Variants in WDR91 observed in about 807,000 individuals in gnomAD.
WDR91 encodes the protein WD repeat-containing protein 91.
A neutral mutation model predicts 88.4 loss-of-function variants in WDR91; 52 were observed. The observed-to-expected ratio is 0.59, with a 90% CI of 0.47 to 0.74. The LOEUF (loss-of-function observed/expected upper bound fraction) is 0.74, where lower values mean the gene tolerates loss of function less well. WDR91 is among the 30% of genes least tolerant of loss of function. The pLI is 0.00. For synonymous variants in WDR91, 362 were observed against 389.5 expected (o/e 0.93, Z 0.83); for missense variants, 824 against 954.5 (o/e 0.86, Z 1.80).
At position 135,204,169 on chromosome 7, in the gene WDR91, G is replaced by C. The variant is rs1831674516; in HGVS notation, c.891+99C>G. ...CATGCCCAAGAAATCAGTCCTAAAA[G>C]GAGGGCAAACAAGTCTACACTTGAC... On this transcript the variant is annotated intron_variant, in intron 6 of 14. Coordinates refer to ENST00000354475, the MANE Select transcript of WDR91 (RefSeq NM_014149.4). 2.8e-6 allele frequency: 4 copies of C among 1,404,454 alleles called. No homozygotes were observed. In the East Asian group the frequency reaches 9.4e-5, roughly 33 times the overall value. 87.0% of individuals were successfully genotyped at this position (1,404,454 alleles called of 1,614,324 possible).
chr7:135,198,084 G>A lies in WDR91; in HGVS notation c.959C>T (p.Thr320Ile). The A allele has an allele frequency of 6.2e-7, 1 of 1,614,146 alleles. No homozygotes were observed. Among genetic ancestry groups the A allele is most frequent in the East Asian group, 2.2e-5 (1 of 44,876 alleles). ...GTGCTGTGACCAACCGGACTCCCCA[G>A]TGGCCAGCCCGCTGAGGAGGCTCTT... ...DGKSLLSGLA[T>I]GESGWSQHRQ... The change falls in exon 7 of 15, where the codon ACT becomes ATT. Residue 320 changes from threonine to isoleucine, a missense_variant. Thr to Ile is a moderately conservative substitution (Grantham distance 89). Coordinates refer to ENST00000354475, the MANE Select transcript of WDR91 (RefSeq NM_014149.4).
Position 135,198,166 on chromosome 7 carries a change from G to A in WDR91, c.892-15C>T, listed in dbSNP as rs528520429. ...CCCTTGGTGCCCTAGAGGAAAAGAA[G>A]CTGGCTGTGAAGTCTCTTCCCATCT... On this transcript the variant is annotated splice_polypyrimidine_tract_variant and intron_variant, in intron 6 of 14. Coordinates refer to ENST00000354475, the MANE Select transcript of WDR91 (RefSeq NM_014149.4). The A allele has an allele frequency of 5.0e-6, 8 of 1,607,118 alleles. No homozygotes were observed. The South Asian group carries it at 8.8e-5, about 18-fold the overall frequency.
Position 135,209,034 on chromosome 7 carries a change from G to A in WDR91, c.304-36C>T, listed in dbSNP as rs1449085955. 4 of 1,590,796 alleles carry A rather than the reference G, an allele frequency of 2.5e-6. No individual in the cohort carries two copies. The African/African-American group carries it at 5.4e-5, about 21-fold the overall frequency. ...ACAAGGAGGTAGCAAGGAGGGAGGA[G>A]AGACAGAAATCCAGAGGTAAGACTC... On this transcript the variant is annotated intron_variant, in intron 2 of 14. Coordinates refer to ENST00000354475, the MANE Select transcript of WDR91 (RefSeq NM_014149.4).
intron 6 of WDR91, chr7:135,199,559 G>C (rs1335209792): frequency 5.3e-5 from 8 of 152,228 alleles, no homozygotes; most frequent in Non-Finnish European, 1.2e-4. Context: ...CCTGTTTCAA[G>C]ACAAGGCTCT....
Position 135,211,511 on chromosome 7 carries a change from T to C in WDR91, c.-9A>G, listed in dbSNP as rs1245183482. On this transcript the variant is annotated 5_prime_UTR_variant, in exon 1 of 15. Coordinates refer to ENST00000354475, the MANE Select transcript of WDR91 (RefSeq NM_014149.4). ...TCCACGGCCTCCGCCATCGCAGCGC[T>C]AGCGTCTTTAGGGGTGGTGCGGTGA... The C allele has an allele frequency of 3.7e-6, 6 of 1,610,706 alleles. No homozygotes were observed. The highest frequency in any genetic ancestry group is 3.3e-5 in the Admixed American group (2 of 59,912).
chr7:135,187,155 G>A lies in WDR91; in HGVS notation c.1896C>T (p.Asn632=). The change falls in exon 14 of 15, where the codon AAC becomes AAT. Residue 632 remains asparagine (N), a synonymous_variant. Coordinates refer to ENST00000354475, the MANE Select transcript of WDR91 (RefSeq NM_014149.4). Reference sequence around the variant, plus strand: ...ATACCTTGAGGCCACTCTTGTGGATGTTCCACTGGATGAACTGCAGTCACA... The same window carrying A: ...ATACCTTGAGGCCACTCTTGTGGATATTCCACTGGATGAACTGCAGTCACA... ...IGEDGKFIQW[N]IHKSGLKVSE... 6.2e-7 allele frequency: 1 copy of A among 1,614,204 alleles called. No individual in the cohort carries two copies. The highest frequency in any genetic ancestry group is 1.7e-5 in the Admixed American group (1 of 60,028).
intron 1 of WDR91, among the ~76,000 whole-genome samples, chr7:135,211,147 C>T (rs1054650426): frequency 1.9e-4 from 29 of 152,266 alleles, no homozygotes; most frequent in Middle Eastern, 6.8e-3. Context: ...GCCGGGGCAT[C>T]GGGGCTCCAG....
In WDR91 at chr7:135,184,022, C is replaced by A. The variant is rs956519380; in HGVS notation, c.*2129G>T. The A allele has an allele frequency of 6.6e-6, 1 of 152,100 alleles. No individual in the cohort carries two copies. The highest frequency in any genetic ancestry group is 1.5e-5 in the Non-Finnish European group (1 of 68,026). 9.4% of individuals were successfully genotyped at this position (152,100 alleles called of 1,614,324 possible). A position where few individuals can be genotyped will look rare whatever the true frequency, so the allele number is the denominator to read the frequency against. On this transcript the variant is annotated 3_prime_UTR_variant, in exon 15 of 15. Coordinates refer to ENST00000354475, the MANE Select transcript of WDR91 (RefSeq NM_014149.4). Reference sequence around the variant, plus strand: ...GAGATGACAAGAGGAAACGTTAATACCATTCTCACTCCAATGAAACCCATG... The same window carrying A: ...GAGATGACAAGAGGAAACGTTAATAACATTCTCACTCCAATGAAACCCATG...
intron 11 of WDR91, among the ~76,000 whole-genome samples, chr7:135,190,672 G>C (rs927677639): frequency 7.3e-6 from 1 of 136,304 alleles, no homozygotes; most frequent in Non-Finnish European, 1.7e-5. Flanking sequence ...CGACAAAGCA[G>C]GTTTTAAAAA....
chr7:135,193,973 C>T (rs1394854755), intron 9 of WDR91: 1 of 332,138 alleles, frequency 3.0e-6, no homozygotes, highest in East Asian at 6.9e-5. Flanking sequence ...CTGATCCTCC[C>T]TTTCTTCAGT....
chr7:135,206,459 G>T (rs557529879), intron 4 of WDR91, among the ~76,000 whole-genome samples: 2 of 150,450 alleles, frequency 1.3e-5, no homozygotes, highest in South Asian at 4.2e-4. Flanking sequence ...TTAACCTTTT[G>T]CCTGAAGAAA....
At chr7:135,197,938 G>A in intron 7 of WDR91, 55 bp downstream of exon 7, 2 of 1,580,814 alleles carry the variant, frequency 1.3e-6, no homozygotes, top group South Asian at 1.1e-5. Context: ...ACCCCCCACA[G>A]TGTTCCTCAG....
intron 11 of WDR91, among the ~76,000 whole-genome samples, chr7:135,191,840 A>T (rs1036516207): frequency 1.3e-5 from 2 of 152,184 alleles, no homozygotes; most frequent in Admixed American, 6.5e-5. Context: ...TCTAATTAAA[A>T]ACTTGAAAAT....
intron 9 of WDR91, among the ~76,000 whole-genome samples, chr7:135,194,216 C>A (rs1026592162): frequency 4.6e-5 from 7 of 152,124 alleles, no homozygotes; most frequent in African/African-American, 1.2e-4. Flanking sequence ...AATAATAGTG[C>A]CAGAGGAAAG....
intron 13 of WDR91, 83 bp downstream of exon 13, chr7:135,188,349 AG>A: frequency 9.2e-7 from 1 of 1,092,004 alleles, no homozygotes; most frequent in African/African-American, 1.5e-5. Context: ...CAGGTTGCAG[AG>A]CTAGTAACAG....
At chr7:135,208,142 C>G (rs1831871686) in intron 3 of WDR91, among the ~76,000 whole-genome samples, 1 of 152,178 alleles carries the variant, frequency 6.6e-6, no homozygotes, top group African/African-American at 2.4e-5. Context: ...CAGCCCCATT[C>G]AAGCCAGACT....
intron 11 of WDR91, 156 bp downstream of exon 11, chr7:135,193,075 A>G: frequency 9.0e-7 from 1 of 1,109,928 alleles, no homozygotes; most frequent in Non-Finnish European, 1.3e-6. Flanking sequence ...TGTCACTAAC[A>G]ATCTGCCCAG....
At chr7:135,202,377 G>GT (rs902876687) in intron 6 of WDR91, 4 of 152,186 alleles carry the variant, frequency 2.6e-5, no homozygotes, top group Non-Finnish European at 4.4e-5. Flanking sequence ...TGACTATTGG[G>GT]TTTTTTAGAT....
intron 4 of WDR91, 194 bp downstream of exon 4, chr7:135,206,926 G>T: frequency 3.1e-6 from 1 of 319,446 alleles, no homozygotes; most frequent in South Asian, 3.1e-5. Context: ...CTTAAAATAT[G>T]AATCTCGCCT....
Sources: allele counts gnomAD v4.1 joint callset (sites outside exome capture counted in the v4.1 genomes callset), GRCh38; gene constraint gnomAD v4.1.1; transcripts MANE v1.5; gene names NCBI Gene and HGNC (gene_info 2026-07-23, HGNC 2026-07-21).